The following KCNT2 variants were observed in gnomAD, a reference collection of about 807,000 sequenced individuals.
KCNT2 encodes the protein potassium sodium-activated channel subfamily T member 2.
Under a neutral mutation model 153.8 loss-of-function variants are expected in KCNT2, and 67 were observed. That is an observed-to-expected ratio of 0.44 (90% CI 0.36 to 0.53). The LOEUF (loss-of-function observed/expected upper bound fraction) is 0.53, where lower values mean the gene tolerates loss of function less well. Ranked by LOEUF, KCNT2 falls within the 20% of genes least tolerant of loss-of-function variation. The pLI is 0.00. For missense variants in KCNT2, 975 were observed against 1,354.8 expected (o/e 0.72, Z 4.40); for synonymous variants, 500 against 458.8 (o/e 1.09, Z -1.15).
intron 8 of KCNT2, among the ~76,000 whole-genome samples, chr1:196,443,362 A>C (rs1257556959): frequency 6.6e-6 from 1 of 151,516 alleles, no homozygotes; most frequent in African/African-American, 2.4e-5. Context: ...ACAAATGTAA[A>C]GAGGAAAAGC....
chr1:196,485,814 A>G (rs1167259710), intron 3 of KCNT2, among the ~76,000 whole-genome samples: 1 of 151,986 alleles, frequency 6.6e-6, no homozygotes, highest in East Asian at 1.9e-4. Context: ...TATCATAAAA[A>G]AAAAGAATGT....
chr1:196,545,411 T>C (rs1656945771), intron 1 of KCNT2, among the ~76,000 whole-genome samples: 1 of 151,960 alleles, frequency 6.6e-6, no homozygotes, highest in East Asian at 1.9e-4. Flanking sequence ...GACATACCAA[T>C]AGTTTAGGGG....
rs560799119 is a variant in KCNT2, at chr1:196,423,672, TG to T, written c.1122-560del. 2.8e-4 allele frequency among the ~76,000 whole-genome samples: 42 copies of T among 151,712 alleles called. No homozygotes were observed. In the East Asian group the frequency reaches 8.2e-3, roughly 30 times the overall value. On this transcript the variant is annotated intron_variant, in intron 11 of 27. Transcript: ENST00000294725. ...ACATGATGTTCTAAGAGCACAAGAA[TG>T]TTTATTTTCAAAATGAGGAATCATT...
intron 16 of KCNT2, among the ~76,000 whole-genome samples, chr1:196,338,302 G>A (rs1420183463): frequency 6.6e-6 from 1 of 152,030 alleles, no homozygotes; most frequent in African/African-American, 2.4e-5. Flanking sequence ...AAGTGAGTAT[G>A]TTTGGAGCTC....
chr1:196,398,906 T>C (rs541318892), intron 12 of KCNT2, among the ~76,000 whole-genome samples: 4 of 151,636 alleles, frequency 2.6e-5, no homozygotes, highest in African/African-American at 7.2e-5. Flanking sequence ...AGAGAAAAAA[T>C]AGCTAGACAG....
chr1:196,357,212 A>T lies in KCNT2; in HGVS notation c.1404-14984T>A, dbSNP rs113405820. Among the ~76,000 whole-genome samples, 928 of 152,052 alleles carry T rather than the reference A, an allele frequency of 6.1e-3. 12 individuals are homozygous for T. The highest frequency in any genetic ancestry group is 0.021 in the African/African-American group (876 of 41,536). On this transcript the variant is annotated intron_variant, in intron 14 of 27. Transcript: ENST00000294725. The stretch of plus-strand genomic sequence containing the variant: ...TAGAGAGCCTGTGAGCAGTGATTAC[A>T]TTATTATGCGGATTGCAATAGAGTT...
At chr1:196,285,852 T>A (rs1250715470) in intron 22 of KCNT2, 94 bp from the exon 23 acceptor site, 2 of 720,872 alleles carry the variant, frequency 2.8e-6, no homozygotes, top group African/African-American at 1.8e-5. Flanking sequence ...TAAAAAGTTC[T>A]CATCATATGG....
chr1:196,283,220 G>T lies in KCNT2; in HGVS notation c.2698-864C>A, dbSNP rs546412870. On this transcript the variant is annotated intron_variant, in intron 23 of 27. Coordinates refer to ENST00000294725, the MANE Select transcript of KCNT2 (RefSeq NM_198503.5). ...GCACTCTGGGAGGCCCAGCACTCCT[G>T]GGAGGTCCCAGGAGATCGAGACCAG... is the stretch of plus-strand genomic sequence containing the variant. 6.6e-5 allele frequency among the ~76,000 whole-genome samples: 10 copies of T among 152,242 alleles called. No homozygotes were observed. In the South Asian group the frequency reaches 2.1e-3, roughly 32 times the overall value.
At chr1:196,569,175 A>G (rs1660474103) in intron 1 of KCNT2, among the ~76,000 whole-genome samples, 3 of 152,078 alleles carry the variant, frequency 2.0e-5, no homozygotes. Context: ...TTTGATTTTT[A>G]TGTTGTTATA....
intron 8 of KCNT2, among the ~76,000 whole-genome samples, chr1:196,448,396 T>G (rs1675874966): frequency 6.6e-6 from 1 of 151,560 alleles, no homozygotes; most frequent in Non-Finnish European, 1.5e-5. Context: ...TCTGTATTAT[T>G]TTGCCTACAT....
chr1:196,286,051 T>C (rs1659625378), intron 22 of KCNT2, among the ~76,000 whole-genome samples: 1 of 151,952 alleles, frequency 6.6e-6, no homozygotes, highest in African/African-American at 2.4e-5. Context: ...ATAAAAATCA[T>C]TGAAAAAAAT....
intron 1 of KCNT2, among the ~76,000 whole-genome samples, chr1:196,547,646 A>G (rs1053451076): frequency 3.3e-5 from 5 of 151,914 alleles, no homozygotes; most frequent in Non-Finnish European, 5.9e-5. Flanking sequence ...TTCACTGTCC[A>G]TTCATCTGTC....
At chr1:196,596,363 C>G (rs145814702) in intron 1 of KCNT2, among the ~76,000 whole-genome samples, 1 of 152,152 alleles carries the variant, frequency 6.6e-6, no homozygotes, top group Non-Finnish European at 1.5e-5. Flanking sequence ...TAAATGTGTT[C>G]CCTTTTCACC....
intron 23 of KCNT2, among the ~76,000 whole-genome samples, chr1:196,283,086 G>A (rs1310304207): frequency 6.6e-6 from 1 of 152,104 alleles, no homozygotes; most frequent in African/African-American, 2.4e-5. Flanking sequence ...TCAAGTGATC[G>A]CCTGCCTTGG....
At chr1:196,248,849 GAAAC>G (rs978628478) in intron 26 of KCNT2, among the ~76,000 whole-genome samples, 1 of 151,962 alleles carries the variant, frequency 6.6e-6, no homozygotes, top group African/African-American at 2.4e-5. Context: ...CATCGACAAA[GAAAC>G]AAACAAACAA....
intron 14 of KCNT2, among the ~76,000 whole-genome samples, chr1:196,346,337 G>A (rs1328945842): frequency 6.6e-6 from 1 of 152,060 alleles, no homozygotes; most frequent in Non-Finnish European, 1.5e-5. Flanking sequence ...TTTCTATGAT[G>A]AATGTATTGA....
rs1275844255 is a variant in KCNT2, at chr1:196,282,375, A to C, written c.2698-19T>G. On this transcript the variant is annotated intron_variant, in intron 23 of 27. Transcript: ENST00000294725. ...CAAATGACTGCAATATAAACAAACA[A>C]ACAATATATAAATGTATATTTATAT... The C allele has an allele frequency of 2.4e-6, 3 of 1,268,240 alleles. No individual in the cohort carries two copies. The highest frequency in any genetic ancestry group is 3.5e-6 in the Non-Finnish European group (3 of 869,016). The allele number at this position is 1,268,240 out of a possible 1,614,324, so 78.6% of individuals were successfully genotyped here.
chr1:196,313,205 C>CAAATCTATGAT (rs1662363671), intron 21 of KCNT2, among the ~76,000 whole-genome samples: 1 of 151,382 alleles, frequency 6.6e-6, no homozygotes, highest in Non-Finnish European at 1.5e-5. Context: ...ATGACAGGTT[C>CAAATCTATGAT]CAGTGTGGTC....
chr1:196,305,302 C>T lies in KCNT2; in HGVS notation c.2527G>A (p.Ala843Thr). The T allele has an allele frequency of 2.5e-6, 4 of 1,612,464 alleles. No homozygotes were observed. The highest frequency in any genetic ancestry group is 1.3e-5 in the African/African-American group (1 of 74,928). ...CTGAATTGCATGAATCTCATGTTGG[C>T]GGGGTGAGTTAGCTCTGTGATAATA... ...LSIITELTHPANMRFMQFRAK... is the reference protein window; with the variant it reads ...LSIITELTHPTNMRFMQFRAK... Residue 843 changes from alanine to threonine, a missense_variant, in exon 22 of 28, where the codon GCC (alanine) becomes ACC (threonine). Around this residue, in one of 6 missense-constraint regions of KCNT2, gnomAD observed 66 missense variants for 147.9 expected, o/e 0.45. Coordinates refer to ENST00000294725, the MANE Select transcript of KCNT2 (RefSeq NM_198503.5).
Sources: gnomAD v4.1 joint callset for allele counts (sites outside exome capture counted in the v4.1 genomes callset) on GRCh38, gnomAD v4.1.1 for gene constraint, gnomAD v4.1.1 regional missense constraint, MANE v1.5 for transcripts, NCBI Gene and HGNC (gene_info 2026-07-23, HGNC 2026-07-21) for gene names.